LRRC24: variants seen among roughly 807,000 people sequenced by gnomAD.
The protein encoded by LRRC24 is leucine-rich repeat-containing protein 24.
Under a neutral mutation model 15.3 loss-of-function variants are expected in LRRC24, and 19 were observed. That is an observed-to-expected ratio of 1.25 (90% CI 0.87 to 1.83). LRRC24 has a LOEUF of 1.83. LRRC24 is among the 40% of genes most tolerant of loss of function. The pLI, the probability that LRRC24 is intolerant of heterozygous loss-of-function variation, is 0.00. For synonymous variants in LRRC24, 469 were observed against 359.6 expected, an observed-to-expected ratio of 1.30 and a Z score of -3.44; for missense variants, 914 against 723.9, an observed-to-expected ratio of 1.26 and a Z score of -3.01.
Position 144,524,848 on chromosome 8 carries a change from CGCGCAACCGCAGG to C in LRRC24, c.114_126del (p.Leu39SerfsTer23), listed in dbSNP as rs1339850641. ...CCTGGCGGGATTCCCAGCGGGACGA[CGCGCAACCGCAGG>C]GCGCCACACTCCACCGTGGCGCTGT... On this transcript the variant is annotated frameshift_variant, in exon 2 of 5. Transcript: ENST00000529415. LOFTEE classifies it high-confidence loss of function. 1 of 1,486,180 alleles carries C rather than the reference CGCGCAACCGCAGG, an allele frequency of 6.7e-7. No individual in the cohort carries two copies. Among genetic ancestry groups the C allele is most frequent in the Admixed American group, 2.3e-5 (1 of 44,332 alleles). 92.1% of individuals were successfully genotyped at this position (1,486,180 alleles called of 1,614,324 possible).
At position 144,522,439 on chromosome 8, in the gene LRRC24, A is replaced by G. The variant is rs1357581935; in HGVS notation, c.*36T>C. On this transcript the variant is annotated 3_prime_UTR_variant, in exon 5 of 5. Coordinates refer to ENST00000529415, the MANE Select transcript of LRRC24 (RefSeq NM_001024678.4). Reference sequence around the variant, plus strand: ...AGCATGCGCGAGGCCGCACCGGCCAATCTCCGGCGCCCACGTCATCCGCGC... The same window carrying G: ...AGCATGCGCGAGGCCGCACCGGCCAGTCTCCGGCGCCCACGTCATCCGCGC... 1.4e-6 allele frequency: 2 copies of G among 1,387,332 alleles called. No homozygotes were observed. Among genetic ancestry groups the G allele is most frequent in the East Asian group, 3.0e-5 (1 of 33,234 alleles). The allele number at this position is 1,387,332 out of a possible 1,614,324, so 85.9% of individuals were successfully genotyped here. A position where few individuals can be genotyped will look rare whatever the true frequency, so the allele number is the denominator to read the frequency against.
In LRRC24 at chr8:144,525,018, G is replaced by A. The variant is rs369669808; in HGVS notation, c.-44C>T. ...TCACCGGCCCTTCCGCGGTTCAGCC[G>A]CAGACGCGTGCCCTCCTGAAACACA... On this transcript the variant is annotated 5_prime_UTR_variant, in exon 2 of 5. Coordinates refer to ENST00000529415, the MANE Select transcript of LRRC24 (RefSeq NM_001024678.4). The A allele has an allele frequency of 1.1e-5, 16 of 1,395,142 alleles. No individual in the cohort carries two copies. Among genetic ancestry groups the A allele is most frequent in the East Asian group, 2.8e-5 (1 of 35,754 alleles). 86.4% of individuals were successfully genotyped at this position (1,395,142 alleles called of 1,614,324 possible).
Position 144,523,354 on chromosome 8 carries a change from C to T in LRRC24, c.663G>A (p.Glu221=), listed in dbSNP as rs776238623. Residue 221 remains glutamate, a synonymous_variant, in exon 5 of 5, where the codon GAG becomes GAA. Coordinates refer to ENST00000529415, the MANE Select transcript of LRRC24 (RefSeq NM_001024678.4). ...ALHWLGAWIK[E]GGQRLLTSRD... Reference sequence around the variant, plus strand: ...TGGAGGTGAGCAGCCGCTGGCCGCCCTCCTTGATCCAGGCACCCAGCCAGT... The same window carrying T: ...TGGAGGTGAGCAGCCGCTGGCCGCCTTCCTTGATCCAGGCACCCAGCCAGT... The T allele has an allele frequency of 6.3e-7, 1 of 1,581,482 alleles. No individual in the cohort carries two copies. The highest frequency in any genetic ancestry group is 1.1e-5 in the South Asian group (1 of 87,658).
chr8:144,523,979 GGCTGCAGGCGGTGGTGCA>G, intron 4 of LRRC24, 113 bp downstream of exon 4: 2 of 1,072,144 alleles, frequency 1.9e-6, no homozygotes, highest in African/African-American at 3.2e-5. Context: ...CCTCCAGTGT[GGCTGCAGGCGGTGGTGCA>G]GCCTTCCAGA....
rs1816304240 is a variant in LRRC24, at chr8:144,524,907, C to T, written c.68G>A (p.Cys23Tyr). 6.6e-7 allele frequency: 1 copy of T among 1,514,704 alleles called. No individual in the cohort carries two copies. Among genetic ancestry groups the T allele is most frequent in the Non-Finnish European group, 8.8e-7 (1 of 1,133,026 alleles). The allele number at this position is 1,514,704 out of a possible 1,614,324, so 93.8% of individuals were successfully genotyped here. Residue 23 changes from cysteine to tyrosine, a missense_variant, in exon 2 of 5, where the codon TGC becomes TAC. Transcript: ENST00000529415. ...LLLLPLRAAGCPAACRCYSAT... is the reference protein window; with the variant it reads ...LLLLPLRAAGYPAACRCYSAT... Reference sequence around the variant, plus strand: ...GCTGTAGCAGCGGCAGGCTGCTGGGCAGCCGGCGGCGCGGAGCGGCAGTAG... The same window carrying T: ...GCTGTAGCAGCGGCAGGCTGCTGGGTAGCCGGCGGCGCGGAGCGGCAGTAG...
In LRRC24 at chr8:144,523,058, T is replaced by G. The variant is rs769652006; in HGVS notation, c.959A>C (p.His320Pro). 6.2e-7 allele frequency: 1 copy of G among 1,604,336 alleles called. No homozygotes were observed. The highest frequency in any genetic ancestry group is 8.5e-7 in the Non-Finnish European group (1 of 1,177,246). The stretch of plus-strand genomic sequence containing the variant: ...GCCGCTGCCCGTGTCGGATGCCGAG[T>G]GTCCGCCCAGGCCCAGCAACCCGCC... ...LEGGLLGLGG[H>P]SASDTGSGML... The change falls in exon 5 of 5, where the codon CAC (histidine) becomes CCC (proline). Residue 320 changes from histidine to proline, a missense_variant. Transcript: ENST00000529415.
At position 144,524,560 on chromosome 8, in the gene LRRC24, T is replaced by G. The variant is rs201975035; in HGVS notation, c.319A>C (p.Ser107Arg). ...QPRLLELALT[S>R]NRLRGLRSGA... ...CTGCGCAAGCCGCGCAGCCGGTTGC[T>G]AGTGAGCGCCAGCTCCAGCAGGCGC... The change falls in exon 3 of 5, where the codon AGC (serine) becomes CGC (arginine). Residue 107 changes from serine to arginine, a missense_variant. Coordinates refer to ENST00000529415, the MANE Select transcript of LRRC24 (RefSeq NM_001024678.4). 2.5e-4 allele frequency: 398 copies of G among 1,570,532 alleles called. 2 individuals are homozygous for G. In the Middle Eastern group the frequency reaches 7.2e-3, roughly 28 times the overall value.
intron 4 of LRRC24, 151 bp from the exon 5 acceptor site, chr8:144,523,560 C>T: frequency 7.8e-7 from 1 of 1,274,498 alleles, no homozygotes; most frequent in Non-Finnish European, 1.0e-6. Flanking sequence ...CTTCCTTGAC[C>T]CCAAGCTCCT....
intron 4 of LRRC24, chr8:144,523,646 C>A: frequency 1.9e-6 from 1 of 524,776 alleles, no homozygotes. Flanking sequence ...ATCACTTCTC[C>A]GTCGGTCTCT....
chr8:144,524,431 A>G lies in LRRC24; in HGVS notation c.438+10T>C, dbSNP rs1249691511. ...GGAGTATCCCGCCCCTTTAGACCCC[A>G]GGCGCTCACCGGCAGGTGCAAGAAG... is the stretch of plus-strand genomic sequence containing the variant. On this transcript the variant is annotated intron_variant, in intron 3 of 4. Coordinates refer to ENST00000529415, the MANE Select transcript of LRRC24 (RefSeq NM_001024678.4). The G allele has an allele frequency of 1.3e-6, 2 of 1,597,602 alleles. No homozygotes were observed. Among genetic ancestry groups the G allele is most frequent in the Non-Finnish European group, 8.5e-7 (1 of 1,179,698 alleles).
Position 144,523,793 on chromosome 8 carries a change from G to A in LRRC24, c.607+317C>T, listed in dbSNP as rs1816231732. On this transcript the variant is annotated intron_variant, in intron 4 of 4. Coordinates refer to ENST00000529415, the MANE Select transcript of LRRC24 (RefSeq NM_001024678.4). Reference sequence around the variant, plus strand: ...CTTGCCTTTGGATGCCCTCTCTTGGGAATGTCCCCAGTCCTGGTCAGCTGT... The same window carrying A: ...CTTGCCTTTGGATGCCCTCTCTTGGAAATGTCCCCAGTCCTGGTCAGCTGT... The A allele has an allele frequency of 2.6e-5, 11 of 423,330 alleles. No homozygotes were observed. In the East Asian group the frequency reaches 4.3e-4, roughly 16 times the overall value. 26.2% of individuals were successfully genotyped at this position (423,330 alleles called of 1,614,324 possible).
chr8:144,525,088 G>C (rs758520079), intron 1 of LRRC24, 55 bp from the exon 2 acceptor site: 2 of 1,195,042 alleles, frequency 1.7e-6, no homozygotes, highest in Non-Finnish European at 2.2e-6. Context: ...CCAATAGATG[G>C]AATGGAGGCC....
rs749750927 is a variant in LRRC24 at position 144,522,816 on chromosome 8, C to T, written c.1201G>A (p.Val401Met). The change falls in exon 5 of 5, where the codon GTG (valine) becomes ATG (methionine). Residue 401 changes from valine to methionine, a missense_variant. Transcript: ENST00000529415. Reference sequence around the variant, plus strand: ...GCCGCAATGGCCGTCTGTGTGGCCACGCCCAGGGCGCGGAAGGCCATGCTG... The same window carrying T: ...GCCGCAATGGCCGTCTGTGTGGCCATGCCCAGGGCGCGGAAGGCCATGCTG... ...AGSMAFRALG[V>M]ATQTAIAAAI... The T allele has an allele frequency of 3.6e-5, 53 of 1,492,932 alleles. No individual in the cohort carries two copies. In the South Asian group the frequency reaches 6.3e-4, roughly 18 times the overall value. 92.5% of individuals were successfully genotyped at this position (1,492,932 alleles called of 1,614,324 possible). A position where few individuals can be genotyped will look rare whatever the true frequency, so the allele number is the denominator to read the frequency against.
chr8:144,522,690 C>G lies in LRRC24; in HGVS notation c.1327G>C (p.Ala443Pro), dbSNP rs752231080. ...KKARGPPGEG[A>P]LFVNDYLDGP... is the part of the protein sequence containing the mutation. ...TCCAAGTAGTCGTTGACGAACAGCG[C>G]TCCCTCCCCCGGAGGCCCCCGCGCC... Residue 443 changes from alanine to proline, a missense_variant, in exon 5 of 5, where the codon GCG (alanine) becomes CCG (proline). Coordinates refer to ENST00000529415, the MANE Select transcript of LRRC24 (RefSeq NM_001024678.4). 7 of 1,596,448 alleles carry G rather than the reference C, an allele frequency of 4.4e-6. No homozygotes were observed. The highest frequency in any genetic ancestry group is 1.7e-5 in the Admixed American group (1 of 58,368).
chr8:144,523,819 C>A (rs1816232939), intron 4 of LRRC24: 2 of 474,322 alleles, frequency 4.2e-6, no homozygotes, highest in Non-Finnish European at 7.5e-6. Context: ...GGTCAGCTGT[C>A]TCTCTCCTTT....
rs771546032 is a variant in LRRC24, at chr8:144,522,961, G to A, written c.1056C>T (p.Gly352=). The part of the protein sequence containing the change: ...KYECEASNAG[G]AARVPFRLLV... ...GGAGCCGGAAGGGCACGCGGGCAGC[G>A]CCGCCGGCGTTGGAGGCCTCGCACT... Residue 352 remains glycine, a synonymous_variant, in exon 5 of 5, where the codon GGC becomes GGT. Transcript: ENST00000529415. 2.5e-6 allele frequency: 4 copies of A among 1,578,358 alleles called. No homozygotes were observed. Among genetic ancestry groups the A allele is most frequent in the South Asian group, 2.2e-5 (2 of 89,090 alleles).
Position 144,524,215 on chromosome 8 carries a change from C to T in LRRC24, c.502G>A (p.Gly168Arg). ...TCCAGCAGTGCTAGGGAGGACAGCC[C>T]CGCTAGAGCCTGGTCCTCCAGCAGC... ...IELLEDQALAGLSSLALLDLS... is the reference protein window; with the variant it reads ...IELLEDQALARLSSLALLDLS... The change falls in exon 4 of 5, where the codon GGG becomes AGG. Residue 168 changes from glycine to arginine, a missense_variant. Gly to Arg is a moderately radical substitution (Grantham distance 125). Coordinates refer to ENST00000529415, the MANE Select transcript of LRRC24 (RefSeq NM_001024678.4). 1 of 1,612,648 alleles carries T rather than the reference C, an allele frequency of 6.2e-7. No individual in the cohort carries two copies. Among genetic ancestry groups the T allele is most frequent in the Non-Finnish European group, 8.5e-7 (1 of 1,179,920 alleles).
Position 144,523,136 on chromosome 8 carries a change from C to T in LRRC24, c.881G>A (p.Arg294Lys). Residue 294 changes from arginine (R) to lysine (K), a missense_variant, in exon 5 of 5, where the codon AGA (arginine) becomes AAA (lysine). Arg to Lys is a conservative substitution (Grantham distance 26). Transcript: ENST00000529415. ...SGYPQPLVTW[R>K]KVPQPREGRP... ...GCCCTCGCGAGGCTGGGGCACCTTT[C>T]TCCAGGTCACCAATGGCTGCGGGTA... 2 of 1,610,768 alleles carry T rather than the reference C, an allele frequency of 1.2e-6. No homozygotes were observed. Among genetic ancestry groups the T allele is most frequent in the Non-Finnish European group, 1.7e-6 (2 of 1,179,508 alleles).
At chr8:144,524,338 C>CT in intron 3 of LRRC24, 60 bp from the exon 4 acceptor site, 2 of 1,599,582 alleles carry the variant, frequency 1.3e-6, no homozygotes, top group South Asian at 2.2e-5. Context: ...GCATGTCTCT[C>CT]TTCTTACCAA....
Sources: gnomAD v4.1 joint callset for allele counts on GRCh38, gnomAD v4.1.1 for gene constraint, MANE v1.5 for transcripts, NCBI Gene and HGNC (gene_info 2026-07-23, HGNC 2026-07-21) for gene names.